The following CRPPA variants were observed in gnomAD, a reference collection of about 807,000 sequenced individuals.
CRPPA encodes D-ribitol-5-phosphate cytidylyltransferase.
CRPPA carries 43 observed loss-of-function variants against 52.0 expected under a neutral mutation model. The ratio of observed to expected loss-of-function variants is 0.83; its 90% CI spans 0.65 to 1.07. The LOEUF (loss-of-function observed/expected upper bound fraction) is 1.07, where lower values mean the gene tolerates loss of function less well. Among genes scored for constraint, CRPPA ranks in the 50% least tolerant of loss-of-function variants. The probability of loss-of-function intolerance (pLI) is 0.00; values close to 1 mark genes in which losing one functional copy is unlikely to be tolerated. For synonymous variants in CRPPA, 250 were observed against 203.5 expected, an observed-to-expected ratio of 1.23 and a Z score of -1.94; for missense variants, 629 against 551.7, an observed-to-expected ratio of 1.14 and a Z score of -1.40.
At chr7:16,345,226 C>G (rs1785981288) in intron 3 of CRPPA, among the ~76,000 whole-genome samples, 1 of 152,150 alleles carries the variant, frequency 6.6e-6, no homozygotes. Context: ...AGATAAAAGA[C>G]TGTCAACCAA....
chr7:16,116,599 T>G (rs1256391958), intron 9 of CRPPA, among the ~76,000 whole-genome samples: 1 of 139,054 alleles, frequency 7.2e-6, no homozygotes, highest in Non-Finnish European at 1.5e-5. Context: ...GAGATGGAGG[T>G]TGCAGTGAGC....
intron 2 of CRPPA, among the ~76,000 whole-genome samples, chr7:16,397,114 GAC>G (rs1787605152): frequency 6.6e-6 from 1 of 152,238 alleles, no homozygotes; most frequent in African/African-American, 2.4e-5. Context: ...AAGACACGTG[GAC>G]ACACAACTGA....
chr7:16,329,496 C>A (rs1785500253), intron 3 of CRPPA, among the ~76,000 whole-genome samples: 1 of 152,072 alleles, frequency 6.6e-6, no homozygotes. Context: ...TACAATCAGG[C>A]CTTTGATTAT....
chr7:16,175,468 C>T (rs1400558181), intron 9 of CRPPA, among the ~76,000 whole-genome samples: 2 of 152,084 alleles, frequency 1.3e-5, no homozygotes, highest in Non-Finnish European at 2.9e-5. Flanking sequence ...CCAGCTCACT[C>T]TTCATCTCTA....
intron 8 of CRPPA, among the ~76,000 whole-genome samples, chr7:16,240,117 G>T (rs546293555): frequency 6.6e-6 from 1 of 151,368 alleles, no homozygotes; most frequent in South Asian, 2.1e-4. Context: ...TCTCCTAAAA[G>T]TTACAACAAC....
intron 6 of CRPPA, chr7:16,269,053 A>G (rs1784026589): frequency 6.6e-6 from 1 of 152,166 alleles, no homozygotes; most frequent in Admixed American, 6.5e-5. Flanking sequence ...GATGGCCCAG[A>G]GGCGACCTCT....
chr7:16,287,075 G>T (rs1562609334), intron 5 of CRPPA, among the ~76,000 whole-genome samples: 1 of 151,982 alleles, frequency 6.6e-6, no homozygotes, highest in African/African-American at 2.4e-5. Context: ...TTTTATTGTG[G>T]TAGATACTTT....
At chr7:16,112,290 G>C (rs1782281458) in intron 9 of CRPPA, among the ~76,000 whole-genome samples, 1 of 151,912 alleles carries the variant, frequency 6.6e-6, no homozygotes, top group Non-Finnish European at 1.5e-5. Context: ...ACTACATCTT[G>C]GGCAACAGAG....
At chr7:16,135,929 A>G (rs947735605) in intron 9 of CRPPA, among the ~76,000 whole-genome samples, 8 of 152,174 alleles carry the variant, frequency 5.3e-5, no homozygotes, top group Non-Finnish European at 1.2e-4. Flanking sequence ...GTATTTATGT[A>G]CCATTTTCCC....
chr7:16,361,979 C>G (rs752555637), intron 3 of CRPPA, among the ~76,000 whole-genome samples: 1 of 152,076 alleles, frequency 6.6e-6, no homozygotes, highest in South Asian at 2.1e-4. Context: ...CTCAGCCTCC[C>G]GAGTAGCTGG....
intron 2 of CRPPA, among the ~76,000 whole-genome samples, chr7:16,380,766 G>C (rs145966527): frequency 0.015 from 2,356 of 152,264 alleles, 61 homozygotes; most frequent in African/African-American, 0.053. Context: ...AGATTTTCTA[G>C]TTTATTTTCC....
intron 3 of CRPPA, among the ~76,000 whole-genome samples, chr7:16,347,767 T>C (rs1413269612): frequency 6.6e-6 from 1 of 152,096 alleles, no homozygotes; most frequent in East Asian, 1.9e-4. Context: ...CACTGTACCA[T>C]AAAATTGAAA....
At chr7:16,321,214 A>G (rs118131015) in intron 3 of CRPPA, among the ~76,000 whole-genome samples, 7,246 of 152,262 alleles carry the variant, frequency 0.048, 231 homozygotes, top group Non-Finnish European at 0.075. Flanking sequence ...CAATGTTATC[A>G]GTAACCCTAT....
At chr7:16,378,793 G>C (rs1364378270) in intron 2 of CRPPA, among the ~76,000 whole-genome samples, 1 of 152,014 alleles carries the variant, frequency 6.6e-6, no homozygotes, top group African/African-American at 2.4e-5. Flanking sequence ...ACTTTTTAAT[G>C]ATTGCCATTC....
rs369398793 is a variant in CRPPA, at chr7:16,342,820, C to CATATATAGATATATAG, written c.684+33256_684+33271dup. ...ATATCTATATAGATATATAGATATA[C>CATATATAGATATATAG]ATATATAGATATATAGATATATAGA... On this transcript the variant is annotated intron_variant, in intron 3 of 9. Coordinates refer to ENST00000407010, the MANE Select transcript of CRPPA (RefSeq NM_001101426.4). Among the ~76,000 whole-genome samples, 24 of 86,698 alleles carry CATATATAGATATATAG rather than the reference C, an allele frequency of 2.8e-4. 1 individual carries two copies. Among genetic ancestry groups the CATATATAGATATATAG allele is most frequent in the South Asian group, 2.3e-3 (7 of 3,082 alleles). The allele number at this position is 86,698 out of a possible 152,430, so 56.9% of individuals were successfully genotyped here. A position where few individuals can be genotyped will look rare whatever the true frequency, so the allele number is the denominator to read the frequency against.
chr7:16,391,969 C>T (rs11972185), intron 2 of CRPPA, among the ~76,000 whole-genome samples: 33,626 of 152,000 alleles, frequency 0.22, 6,315 homozygotes, highest in African/African-American at 0.51. Flanking sequence ...CCAAATCCCA[C>T]TCCCTCAGTA....
chr7:16,245,536 C>T (rs188904456), intron 8 of CRPPA, among the ~76,000 whole-genome samples: 3 of 152,300 alleles, frequency 2.0e-5, no homozygotes, highest in Admixed American at 6.5e-5. Context: ...GCCAGCATTA[C>T]TTACTGTACC....
intron 9 of CRPPA, among the ~76,000 whole-genome samples, chr7:16,131,349 A>G (rs558796918): frequency 1.1e-4 from 16 of 152,320 alleles, no homozygotes; most frequent in African/African-American, 3.8e-4. Flanking sequence ...CCTGAATACA[A>G]TGTTGATAAT....
chr7:16,119,913 G>A (rs187202169), intron 9 of CRPPA, among the ~76,000 whole-genome samples: 40 of 152,296 alleles, frequency 2.6e-4, no homozygotes, highest in African/African-American at 9.1e-4. Flanking sequence ...CAAATAAAAG[G>A]TGTTTAAATC....
Sources: gnomAD v4.1 joint callset for allele counts (sites outside exome capture counted in the v4.1 genomes callset) on GRCh38, gnomAD v4.1.1 for gene constraint, MANE v1.5 for transcripts, NCBI Gene and HGNC (gene_info 2026-07-23, HGNC 2026-07-21) for gene names.